Variants in GRAMD2B observed in about 807,000 individuals in gnomAD.
The protein encoded by GRAMD2B is GRAM domain-containing protein 2B.
GRAMD2B carries 41 observed loss-of-function variants against 59.2 expected under a neutral mutation model. The ratio of observed to expected loss-of-function variants is 0.69; its 90% confidence interval spans 0.54 to 0.90. The LOEUF (loss-of-function observed/expected upper bound fraction) is 0.90, where lower values mean the gene tolerates loss of function less well. Ranked by LOEUF, GRAMD2B falls within the 40% of genes least tolerant of loss-of-function variation. The probability of loss-of-function intolerance (pLI) is 0.00; values close to 1 mark genes in which losing one functional copy is unlikely to be tolerated. For synonymous variants in GRAMD2B, 161 were observed against 182.7 expected (o/e 0.88, Z 0.96); for missense variants, 424 against 500.5 (o/e 0.85, Z 1.46).
rs543958725 is a variant in GRAMD2B at position 126,445,089 on chromosome 5, C to G, written c.84-20337C>G. On this transcript the variant is annotated intron_variant, in intron 1 of 13. Coordinates refer to ENST00000285689, the MANE Select transcript of GRAMD2B (RefSeq NM_023927.4). ...ATATTTACCACATTTTCTTTATCCA[C>G]TCTATAATTGATGGGCATTTGGGTT... is the stretch of plus-strand genomic sequence containing the variant. Among the ~76,000 whole-genome samples, 5 of 152,256 alleles carry G rather than the reference C, an allele frequency of 3.3e-5. No homozygotes were observed. In the South Asian group the frequency reaches 1.0e-3, roughly 32 times the overall value.
chr5:126,386,971 C>A lies in GRAMD2B; in HGVS notation c.125+15404C>A, dbSNP rs144966602. Reference sequence around the variant, plus strand: ...TTTTACCTATTTGTTTTATTATCACCATATATTCTTTTATAACCTAGTGAG... The same window carrying A: ...TTTTACCTATTTGTTTTATTATCACAATATATTCTTTTATAACCTAGTGAG... On this transcript the variant is annotated intron_variant, in intron 1 of 8. Transcript: ENST00000506445. 7.0e-3 allele frequency among the ~76,000 whole-genome samples: 1,070 copies of A among 152,190 alleles called. 6 individuals carry two copies. Among genetic ancestry groups the A allele is most frequent in the Non-Finnish European group, 0.011 (721 of 68,012 alleles).
upstream of GRAMD2B, among the ~76,000 whole-genome samples, chr5:126,369,285 AATGAATGAATG>A (rs1484084708): frequency 6.6e-6 from 1 of 152,144 alleles, no homozygotes; most frequent in African/African-American, 2.4e-5. Flanking sequence ...TGAATGAATG[AATGAATGAATG>A]AATGAATGAA....
intron 1 of GRAMD2B, among the ~76,000 whole-genome samples, chr5:126,461,979 A>C (rs1767456677): frequency 1.3e-5 from 2 of 152,202 alleles, no homozygotes; most frequent in African/African-American, 4.8e-5. Flanking sequence ...TGCCAAGGCC[A>C]AGTAAAGGTT....
chr5:126,447,490 G>T (rs571732292), intron 1 of GRAMD2B, among the ~76,000 whole-genome samples: 4 of 151,920 alleles, frequency 2.6e-5, no homozygotes. Flanking sequence ...GTGAAACCCC[G>T]TCTCTACTAA....
intron 1 of GRAMD2B, among the ~76,000 whole-genome samples, chr5:126,364,293 A>G (rs72782461): frequency 0.13 from 20,041 of 152,174 alleles, 1,745 homozygotes; most frequent in East Asian, 0.35. Flanking sequence ...CAAAGTATGT[A>G]CTGAGTCTGG....
chr5:126,472,168 T>C (rs770108112), intron 3 of GRAMD2B, 70 bp from the exon 4 acceptor site: 2 of 1,231,302 alleles, frequency 1.6e-6, no homozygotes, highest in Non-Finnish European at 2.4e-6. Context: ...AAATTTGTTG[T>C]TGAAGTTGAA....
chr5:126,420,781 C>T (rs1233474940), upstream of GRAMD2B, among the ~76,000 whole-genome samples: 3 of 152,168 alleles, frequency 2.0e-5, no homozygotes, highest in African/African-American at 7.2e-5. Context: ...AACATTTGCA[C>T]ACCCATGTTC....
intron 1 of GRAMD2B, among the ~76,000 whole-genome samples, chr5:126,409,738 G>A (rs1446262355): frequency 6.6e-6 from 1 of 152,228 alleles, no homozygotes; most frequent in Non-Finnish European, 1.5e-5. Flanking sequence ...ATTGCTTTTG[G>A]TGTTTTAGAC....
chr5:126,410,203 T>C (rs1475578567), intron 1 of GRAMD2B, among the ~76,000 whole-genome samples: 1 of 152,060 alleles, frequency 6.6e-6, no homozygotes, highest in Non-Finnish European at 1.5e-5. Flanking sequence ...AACTTTAAAG[T>C]AGTTTTTTCC....
intron 1 of GRAMD2B, among the ~76,000 whole-genome samples, chr5:126,412,174 C>T (rs932855590): frequency 6.6e-6 from 1 of 151,958 alleles, no homozygotes; most frequent in Admixed American, 6.6e-5. Context: ...CACTGAGAAT[C>T]CTTGTTTGTT....
chr5:126,447,872 TTTTAA>T (rs1490751362), intron 1 of GRAMD2B, among the ~76,000 whole-genome samples: 3 of 135,554 alleles, frequency 2.2e-5, no homozygotes, highest in South Asian at 2.2e-4. Context: ...TTTTTTTTTT[TTTTAA>T]AAAATAGTCT....
intron 1 of GRAMD2B, among the ~76,000 whole-genome samples, chr5:126,363,705 G>A (rs1754321561): frequency 6.6e-6 from 1 of 152,148 alleles, no homozygotes; most frequent in South Asian, 2.1e-4. Context: ...ATCTATATAT[G>A]AAATGTCCAG....
chr5:126,450,082 AC>A (rs1453950019), intron 1 of GRAMD2B, among the ~76,000 whole-genome samples: 4 of 151,828 alleles, frequency 2.6e-5, no homozygotes, highest in African/African-American at 9.7e-5. Context: ...CCTACATGAA[AC>A]AGAAGACAGA....
chr5:126,467,065 G>A (rs1768573554), intron 2 of GRAMD2B, among the ~76,000 whole-genome samples: 1 of 152,112 alleles, frequency 6.6e-6, no homozygotes, highest in Non-Finnish European at 1.5e-5. Flanking sequence ...TGAGGTGGGT[G>A]GATAACTTGA....
intron 11 of GRAMD2B, among the ~76,000 whole-genome samples, chr5:126,486,374 C>T (rs1256388341): frequency 6.6e-6 from 1 of 152,222 alleles, no homozygotes; most frequent in Admixed American, 6.5e-5. Context: ...GTCCTCATCC[C>T]CTTTACCAAA....
At chr5:126,481,385 T>C (rs566937149) in intron 8 of GRAMD2B, among the ~76,000 whole-genome samples, 3 of 152,300 alleles carry the variant, frequency 2.0e-5, no homozygotes, top group South Asian at 2.1e-4. Flanking sequence ...ATAATGGTTA[T>C]AATGTTTTCC....
At chr5:126,433,237 G>A (rs879810523) in intron 1 of GRAMD2B, among the ~76,000 whole-genome samples, 1 of 152,164 alleles carries the variant, frequency 6.6e-6, no homozygotes, top group Non-Finnish European at 1.5e-5. Context: ...AATAAGGTAG[G>A]TACTATTTCC....
intron 5 of GRAMD2B, among the ~76,000 whole-genome samples, chr5:126,477,328 T>C (rs536911141): frequency 2.6e-5 from 4 of 152,374 alleles, no homozygotes; most frequent in African/African-American, 9.6e-5. Context: ...GAGTAGGGCA[T>C]GTGGAAGTTA....
chr5:126,455,199 C>T (rs1000225326), intron 1 of GRAMD2B, among the ~76,000 whole-genome samples: 1 of 152,176 alleles, frequency 6.6e-6, no homozygotes, highest in African/African-American at 2.4e-5. Flanking sequence ...CTTCCACCCT[C>T]CCTTGTTCTT....
Sources: gnomAD v4.1 joint callset for allele counts (sites outside exome capture counted in the v4.1 genomes callset) on GRCh38, gnomAD v4.1.1 for gene constraint, MANE v1.5 for transcripts, NCBI Gene and HGNC (gene_info 2026-07-23, HGNC 2026-07-21) for gene names.